The following CRYZL1 variants were observed in gnomAD, a reference collection of about 807,000 sequenced individuals.
The protein encoded by CRYZL1 is ferry endosomal RAB5 effector complex subunit 4.
A neutral mutation model predicts 50.6 loss-of-function variants in CRYZL1; 34 were observed. The ratio of observed to expected loss-of-function variants is 0.67; its 90% CI spans 0.51 to 0.89. The LOEUF is 0.89. Ranked by LOEUF, CRYZL1 falls within the 40% of genes least tolerant of loss-of-function variation. The probability of loss-of-function intolerance (pLI) is 0.00; values close to 1 mark genes in which losing one functional copy is unlikely to be tolerated. For missense variants in CRYZL1, 354 were observed against 402.3 expected (o/e 0.88, Z 1.03); for synonymous variants, 125 against 134.3 (o/e 0.93, Z 0.48).
chr21:33,602,226 T>C lies in CRYZL1; in HGVS notation c.577+8A>G, dbSNP rs768334086. ...TGTTTTAAAGTCTGTGCTCATAATA[T>C]TACCCACCTATGGGAGGTCTGAATC... On this transcript the variant is annotated splice_region_variant and intron_variant, in intron 8 of 12. Coordinates refer to ENST00000381554, the MANE Select transcript of CRYZL1 (RefSeq NM_145858.3). 4.8e-5 allele frequency: 68 copies of C among 1,424,034 alleles called. 1 individual carries two copies. The highest frequency in any genetic ancestry group is 4.2e-5 in the Non-Finnish European group (42 of 1,008,676). 88.2% of individuals were successfully genotyped at this position (1,424,034 alleles called of 1,614,324 possible).
chr21:33,624,487 TG>T (rs2087037281), intron 3 of CRYZL1, among the ~76,000 whole-genome samples, 195 bp downstream of exon 3: 1 of 152,202 alleles, frequency 6.6e-6, no homozygotes, highest in Non-Finnish European at 1.5e-5. Context: ...AGGCAGAGGT[TG>T]CAGTGAGCTG....
intron 1 of CRYZL1, among the ~76,000 whole-genome samples, chr21:33,637,125 A>G (rs1192494460): frequency 6.6e-6 from 1 of 152,084 alleles, no homozygotes; most frequent in Non-Finnish European, 1.5e-5. Context: ...CCCAAACAAG[A>G]TTTTGCTGTA....
At chr21:33,620,144 A>G (rs1253089110) in intron 4 of CRYZL1, among the ~76,000 whole-genome samples, 1 of 152,216 alleles carries the variant, frequency 6.6e-6, no homozygotes, top group Non-Finnish European at 1.5e-5. Context: ...TCATTTAGCT[A>G]TGTCAGAAGA....
At chr21:33,591,443 C>A (rs2086641807) in intron 11 of CRYZL1, 1 of 568,872 alleles carries the variant, frequency 1.8e-6, no homozygotes, top group Non-Finnish European at 3.1e-6. Flanking sequence ...GTGACAAGAG[C>A]AGCAAGTCAA....
At chr21:33,640,264 A>T (rs2087264530) in intron 1 of CRYZL1, 2 of 1,531,740 alleles carry the variant, frequency 1.3e-6, no homozygotes, top group Non-Finnish European at 1.8e-6. Context: ...ATGGCGAACT[A>T]CCTCACTTTC....
At chr21:33,610,787 A>G (rs181219252) in intron 6 of CRYZL1, among the ~76,000 whole-genome samples, 138 of 133,276 alleles carry the variant, frequency 1.0e-3, no homozygotes, top group Middle Eastern at 5.4e-3. Context: ...AGGCTGGAGT[A>G]CAGTGGCACT....
rs561470726 is a variant in CRYZL1 at position 33,601,320 on chromosome 21, A to G, written c.577+914T>C. ...CCAGCCCCTGTATTGCCTTCCTTCT[A>G]TTTCTTGGTTATCTCTGTCACAAGC... On this transcript the variant is annotated intron_variant, in intron 8 of 12. Transcript: ENST00000381554. Among the ~76,000 whole-genome samples the G allele has an allele frequency of 4.6e-4, 70 of 151,696 alleles. 1 individual carries two copies. The highest frequency in any genetic ancestry group is 1.7e-3 in the African/African-American group (70 of 41,386).
At chr21:33,632,628 T>C (rs553782242) in intron 1 of CRYZL1, among the ~76,000 whole-genome samples, 5 of 152,272 alleles carry the variant, frequency 3.3e-5, no homozygotes, top group Non-Finnish European at 7.4e-5. Flanking sequence ...TCCACCCGCC[T>C]CGGCCTCCCA....
intron 1 of CRYZL1, chr21:33,641,439 G>A: frequency 8.7e-7 from 1 of 1,152,850 alleles, no homozygotes; most frequent in South Asian, 1.7e-5. Context: ...AGAGGGAGAT[G>A]CAAACTGAGA....
intron 1 of CRYZL1, among the ~76,000 whole-genome samples, chr21:33,633,082 G>A (rs2087160243): frequency 6.6e-6 from 1 of 152,082 alleles, no homozygotes; most frequent in South Asian, 2.1e-4. Flanking sequence ...CATTCGTATT[G>A]CTACATAGTA....
intron 6 of CRYZL1, among the ~76,000 whole-genome samples, chr21:33,612,241 T>C (rs1013393950): frequency 1.3e-5 from 2 of 152,128 alleles, no homozygotes; most frequent in Non-Finnish European, 2.9e-5. Flanking sequence ...CTCCAGCACA[T>C]GAAAGGTTCC....
chr21:33,597,372 C>G lies in CRYZL1; in HGVS notation c.706G>C (p.Ala236Pro). The G allele has an allele frequency of 6.3e-7, 1 of 1,599,638 alleles. No homozygotes were observed. The highest frequency in any genetic ancestry group is 8.6e-7 in the Non-Finnish European group (1 of 1,166,848). Residue 236 changes from alanine (A) to proline (P), a missense_variant, in exon 10 of 13, where the codon GCT (alanine) becomes CCT (proline). Physicochemically the swap from Ala to Pro is conservative, Grantham distance 27. Coordinates refer to ENST00000381554, the MANE Select transcript of CRYZL1 (RefSeq NM_145858.3). The part of the protein sequence containing the change: ...VRLYSKDDEP[A>P]VKLQLLPHKH... ...TGTGGTAGTAGTTGTAGTTTTACAG[C>G]TGGTTCATCATCTTTACTATATAAT... is the stretch of plus-strand genomic sequence containing the variant.
chr21:33,616,928 A>G (rs1162844661), intron 4 of CRYZL1, 178 bp from the exon 5 acceptor site: 1 of 446,566 alleles, frequency 2.2e-6, no homozygotes, highest in Admixed American at 4.0e-5. Context: ...CAGGATATAC[A>G]GCACTTCAAA....
At chr21:33,640,413 G>C (rs6517185) in intron 1 of CRYZL1, among the ~76,000 whole-genome samples, 121,642 of 151,240 alleles carry the variant, frequency 0.8, 49,374 homozygotes, top group East Asian at 0.98. Flanking sequence ...AGTTTGAATC[G>C]GGGCTTTCCT....
chr21:33,621,411 G>A (rs1601343578), intron 4 of CRYZL1, among the ~76,000 whole-genome samples: 1 of 150,122 alleles, frequency 6.7e-6, no homozygotes, highest in South Asian at 2.1e-4. Context: ...GCGCCATCTC[G>A]GCTCACTGCA....
Position 33,602,311 on chromosome 21 carries a change from T to C in CRYZL1, c.500A>G (p.His167Arg), listed in dbSNP as rs1339722389. 1 of 1,611,426 alleles carries C rather than the reference T, an allele frequency of 6.2e-7. No homozygotes were observed. Among genetic ancestry groups the C allele is most frequent in the African/African-American group, 1.3e-5 (1 of 74,886 alleles). The part of the protein sequence containing the change: ...FGTIAIQLAH[H>R]RGAKVISTAC... ...TGTTGAAATCACTTTGGCTCCTCTA[T>C]GATGTGCTAACTGAATAGCTATTGT... Residue 167 changes from histidine (H) to arginine (R), a missense_variant, in exon 8 of 13, where the codon CAT becomes CGT. His to Arg is a conservative substitution (Grantham distance 29). Transcript: ENST00000381554.
At chr21:33,629,793 C>T (rs1435555649) in intron 2 of CRYZL1, among the ~76,000 whole-genome samples, 3 of 152,188 alleles carry the variant, frequency 2.0e-5, no homozygotes, top group Non-Finnish European at 4.4e-5. Flanking sequence ...TGAAAGTGGG[C>T]ATCCTTGCCT....
At chr21:33,627,988 G>A (rs941025496) in intron 2 of CRYZL1, among the ~76,000 whole-genome samples, 1 of 151,912 alleles carries the variant, frequency 6.6e-6, no homozygotes, top group Non-Finnish European at 1.5e-5. Flanking sequence ...CTCATGATCT[G>A]CCTGCCTTGG....
intron 12 of CRYZL1, 35 bp from the exon 13 acceptor site, chr21:33,589,956 G>C: frequency 3.9e-6 from 5 of 1,269,888 alleles, no homozygotes; most frequent in Non-Finnish European, 5.7e-6. Flanking sequence ...GTCAGGTCTA[G>C]TTAAAGATAA....
Sources: gnomAD v4.1 joint callset for allele counts (sites outside exome capture counted in the v4.1 genomes callset) on GRCh38, gnomAD v4.1.1 for gene constraint, MANE v1.5 for transcripts, NCBI Gene and HGNC (gene_info 2026-07-23, HGNC 2026-07-21) for gene names.